Variants in CSMD2 observed in about 807,000 individuals in gnomAD.
CSMD2 encodes CUB and sushi domain-containing protein 2.
CSMD2 carries 130 observed loss-of-function variants against 398.5 expected under a neutral mutation model. The ratio of observed to expected loss-of-function variants is 0.33; its 90% confidence interval spans 0.28 to 0.38. The LOEUF (loss-of-function observed/expected upper bound fraction) is 0.38. Among genes scored for constraint, CSMD2 ranks in the 10% least tolerant of loss-of-function variants. The probability of loss-of-function intolerance (pLI) is 1.00; values close to 1 mark genes in which losing one functional copy is unlikely to be tolerated. For missense variants in CSMD2, 3,829 were observed against 4,764.9 expected (o/e 0.80, Z 5.78); for synonymous variants, 1,828 against 1,908.5 (o/e 0.96, Z 1.10).
chr1:33,547,220 G>A (rs1656993079), intron 56 of CSMD2, among the ~76,000 whole-genome samples: 1 of 152,018 alleles, frequency 6.6e-6, no homozygotes, highest in South Asian at 2.1e-4. Context: ...GACCTCCAAG[G>A]ACCCAAGGAG....
At position 33,536,247 on chromosome 1, in the gene CSMD2, C is replaced by A. The variant is rs573784243; in HGVS notation, c.9879+775G>T. Among the ~76,000 whole-genome samples, 7 of 152,064 alleles carry A rather than the reference C, an allele frequency of 4.6e-5. No individual in the cohort carries two copies. The South Asian group carries it at 1.2e-3, about 27-fold the overall frequency. On this transcript the variant is annotated intron_variant, in intron 62 of 70. Coordinates refer to ENST00000373381, the MANE Select transcript of CSMD2 (RefSeq NM_001281956.2). ...TTTTCTCTTCTTTTTTTTCTGAGACCGAGTCTCGCTCTGTTGCCCAGGCTG... is the reference window on the plus strand; with the variant it reads ...TTTTCTCTTCTTTTTTTTCTGAGACAGAGTCTCGCTCTGTTGCCCAGGCTG...
At chr1:33,942,472 C>T (rs918583327) in intron 3 of CSMD2, among the ~76,000 whole-genome samples, 6 of 152,260 alleles carry the variant, frequency 3.9e-5, no homozygotes, top group Non-Finnish European at 7.3e-5. Context: ...TGGAGGATGC[C>T]ACCCACAACT....
At chr1:33,627,151 A>C (rs1642178534) in intron 32 of CSMD2, among the ~76,000 whole-genome samples, 1 of 152,204 alleles carries the variant, frequency 6.6e-6, no homozygotes, top group Non-Finnish European at 1.5e-5. Context: ...AGAGTCAAAG[A>C]AAGTGCTATC....
At chr1:33,780,496 C>T (rs997199529) in intron 12 of CSMD2, among the ~76,000 whole-genome samples, 4 of 152,214 alleles carry the variant, frequency 2.6e-5, no homozygotes, top group African/African-American at 9.7e-5. Context: ...TCCTCTATAA[C>T]ACTGTCATGG....
intron 2 of CSMD2, among the ~76,000 whole-genome samples, chr1:34,068,749 G>A (rs1655392893): frequency 6.6e-6 from 1 of 152,176 alleles, no homozygotes; most frequent in Admixed American, 6.5e-5. Flanking sequence ...GGAACCCAGT[G>A]GGAGGTAATT....
chr1:33,824,163 T>C (rs1475819468), intron 7 of CSMD2, among the ~76,000 whole-genome samples: 1 of 152,160 alleles, frequency 6.6e-6, no homozygotes, highest in Non-Finnish European at 1.5e-5. Context: ...CAGGGCCATT[T>C]CCTTAAGTTT....
intron 6 of CSMD2, among the ~76,000 whole-genome samples, chr1:33,841,725 AGGT>A (rs1206978844): frequency 1.3e-5 from 2 of 152,166 alleles, no homozygotes; most frequent in Admixed American, 6.5e-5. Context: ...ACATACTCTT[AGGT>A]AAATACCCAC....
chr1:34,063,699 G>A (rs1398859072), intron 2 of CSMD2, among the ~76,000 whole-genome samples: 3 of 152,152 alleles, frequency 2.0e-5, no homozygotes, highest in Admixed American at 6.5e-5. Flanking sequence ...GCTGTTGGTG[G>A]ATCTACCATT....
At chr1:33,953,906 A>G (rs1051516908) in intron 3 of CSMD2, among the ~76,000 whole-genome samples, 1 of 152,150 alleles carries the variant, frequency 6.6e-6, no homozygotes, top group South Asian at 2.1e-4. Flanking sequence ...GTACAAGCCC[A>G]GTGCTCAGAA....
intron 2 of CSMD2, among the ~76,000 whole-genome samples, chr1:34,067,848 C>T (rs1276664104): frequency 6.6e-6 from 1 of 152,184 alleles, no homozygotes; most frequent in Non-Finnish European, 1.5e-5. Context: ...GCACACGTAC[C>T]TCCCTTCTGG....
Position 33,519,340 on chromosome 1 carries a change from C to T in CSMD2, c.*53+125G>A. The T allele has an allele frequency of 1.6e-6, 1 of 620,772 alleles. No individual in the cohort carries two copies. The highest frequency in any genetic ancestry group is 1.9e-5 in the South Asian group (1 of 52,010). The allele number at this position is 620,772 out of a possible 1,614,324, so 38.5% of individuals were successfully genotyped here. On this transcript the variant is annotated intron_variant, in intron 70 of 70. Coordinates refer to ENST00000373381, the MANE Select transcript of CSMD2 (RefSeq NM_001281956.2). This position sits in a 1 kb window ranked among gnomAD's most constrained non-coding sequence, Gnocchi z 5.6. ...GCCTGTTACACAATGATGCTCAATG[C>T]ACAGCTCTCCTCTTACTGGGTGTGT...
chr1:34,007,290 T>A (rs907740182), intron 3 of CSMD2, among the ~76,000 whole-genome samples: 3 of 152,112 alleles, frequency 2.0e-5, no homozygotes, highest in Non-Finnish European at 4.4e-5. Context: ...TACTCGGTCC[T>A]CTGTGGATGG....
At chr1:33,857,594 T>C (rs891438034) in intron 5 of CSMD2, among the ~76,000 whole-genome samples, 4 of 152,008 alleles carry the variant, frequency 2.6e-5, no homozygotes, top group Non-Finnish European at 5.9e-5. Flanking sequence ...CCACCCTTAG[T>C]AGCTCTGTGA....
At chr1:33,685,222 AGAAG>A (rs1356450079) in intron 25 of CSMD2, among the ~76,000 whole-genome samples, 1 of 152,246 alleles carries the variant, frequency 6.6e-6, no homozygotes, top group African/African-American at 2.4e-5. Context: ...TGGCAGACCA[AGAAG>A]GAAGGTTATG....
At chr1:34,013,145 G>A (rs1396060512) in intron 3 of CSMD2, among the ~76,000 whole-genome samples, 2 of 152,194 alleles carry the variant, frequency 1.3e-5, no homozygotes, top group Non-Finnish European at 2.9e-5. Flanking sequence ...AGCCTTCCGG[G>A]GAGGGCTGCT....
At chr1:33,977,832 T>C (rs2147943160) in intron 3 of CSMD2, among the ~76,000 whole-genome samples, 1 of 152,262 alleles carries the variant, frequency 6.6e-6, no homozygotes, top group Non-Finnish European at 1.5e-5. Flanking sequence ...ATTTGTTTTT[T>C]GGTCAGGACA....
Position 34,093,353 on chromosome 1 carries a change from C to T in CSMD2, c.188-4160G>A, listed in dbSNP as rs528801239. On this transcript the variant is annotated intron_variant, in intron 1 of 70. Transcript: ENST00000373381. ...GGAAACTCTAAAAAGCAGAGCGCCT[C>T]TCCTCCTCCAAAGGAACGCAGCTCC... Among the ~76,000 whole-genome samples, 1,522 of 152,300 alleles carry T rather than the reference C, an allele frequency of 1.0e-2. 19 individuals carry two copies. Among genetic ancestry groups the T allele is most frequent in the African/African-American group, 0.033 (1,380 of 41,554 alleles).
At chr1:33,719,620 T>G (rs898361477) in intron 19 of CSMD2, among the ~76,000 whole-genome samples, 2 of 152,020 alleles carry the variant, frequency 1.3e-5, no homozygotes, top group Non-Finnish European at 2.9e-5. Context: ...CAATACCACA[T>G]AGGAGCAGAA....
intron 1 of CSMD2, among the ~76,000 whole-genome samples, chr1:34,144,312 G>C (rs1317748438): frequency 1.3e-5 from 2 of 152,180 alleles, no homozygotes; most frequent in Non-Finnish European, 2.9e-5. Context: ...CCACAGAGGG[G>C]AATGAATTCC....
Sources: allele counts gnomAD v4.1 joint callset (sites outside exome capture counted in the v4.1 genomes callset), GRCh38; gene constraint gnomAD v4.1.1; non-coding constraint Gnocchi (gnomAD v3.1); transcripts MANE v1.5; gene names NCBI Gene and HGNC (gene_info 2026-07-23, HGNC 2026-07-21).